Variants in RBM47 observed in about 807,000 individuals in gnomAD.
RBM47 encodes the protein RNA-binding protein 47.
In RBM47, 21 loss-of-function variants were observed where a neutral mutation model predicts 47.1. That is an observed-to-expected ratio of 0.45 (90% CI 0.32 to 0.64). RBM47 has a LOEUF of 0.64. Ranked by LOEUF, RBM47 falls within the 30% of genes least tolerant of loss-of-function variation. RBM47 has a pLI of 0.05. For missense variants in RBM47, 708 were observed against 870.9 expected, an observed-to-expected ratio of 0.81 and a Z score of 2.35; for synonymous variants, 375 against 361.7, an observed-to-expected ratio of 1.04 and a Z score of -0.42.
At chr4:40,593,284 C>T (rs1197090351) in intron 1 of RBM47, among the ~76,000 whole-genome samples, 1 of 151,010 alleles carries the variant, frequency 6.6e-6, no homozygotes, top group Non-Finnish European at 1.5e-5. Context: ...AGGCGTGAGC[C>T]GGGACATACA....
intron 2 of RBM47, among the ~76,000 whole-genome samples, chr4:40,508,082 G>A (rs1458153211): frequency 6.6e-6 from 1 of 152,138 alleles, no homozygotes; most frequent in African/African-American, 2.4e-5. Flanking sequence ...GAAAAGAAAA[G>A]TCTGCAGTAC....
chr4:40,630,749 G>T (rs1046335646), upstream of RBM47: 2 of 152,054 alleles, frequency 1.3e-5, no homozygotes, highest in Admixed American at 6.6e-5. Context: ...CCAGATGTCC[G>T]CAATCCGCGC....
At chr4:40,468,901 G>A (rs1371786821) in intron 2 of RBM47, among the ~76,000 whole-genome samples, 3 of 152,122 alleles carry the variant, frequency 2.0e-5, no homozygotes, top group East Asian at 1.9e-4. Flanking sequence ...TAAAAACTAC[G>A]AAAACGAATG....
intron 2 of RBM47, among the ~76,000 whole-genome samples, chr4:40,467,736 A>C (rs573499992): frequency 6.6e-6 from 1 of 152,344 alleles, no homozygotes; most frequent in Admixed American, 6.5e-5. Flanking sequence ...GATATTTCAG[A>C]TGAGGAATTA....
chr4:40,529,232 C>T (rs71608040), intron 2 of RBM47, among the ~76,000 whole-genome samples: 4 of 151,888 alleles, frequency 2.6e-5, no homozygotes, highest in South Asian at 2.1e-4. Context: ...TGTGGCTGGG[C>T]GAGGTGGCTC....
At chr4:40,572,801 C>A (rs1204435332) in intron 1 of RBM47, among the ~76,000 whole-genome samples, 5 of 151,502 alleles carry the variant, frequency 3.3e-5, no homozygotes, top group African/African-American at 9.7e-5. Context: ...TTCAATTTTC[C>A]TGTGAGCCTC....
chr4:40,430,045 A>C (rs1473692425), intron 6 of RBM47, among the ~76,000 whole-genome samples: 1 of 152,046 alleles, frequency 6.6e-6, no homozygotes, highest in Non-Finnish European at 1.5e-5. Context: ...AATACAAAAA[A>C]TTAGCCAGGC....
At chr4:40,451,756 C>T (rs1254989332) in intron 3 of RBM47, among the ~76,000 whole-genome samples, 1 of 152,170 alleles carries the variant, frequency 6.6e-6, no homozygotes, top group Non-Finnish European at 1.5e-5. Flanking sequence ...GATTCATTCC[C>T]TCGCTCATTC....
intron 2 of RBM47, among the ~76,000 whole-genome samples, chr4:40,516,168 T>C (rs6824770): frequency 2.0e-5 from 3 of 151,938 alleles, no homozygotes; most frequent in African/African-American, 7.2e-5. Context: ...TTCTCTTTTT[T>C]CCCTCTCTTC....
In RBM47 at chr4:40,478,009, C is replaced by CTTTTT. The variant is rs1194806938; in HGVS notation, c.-154-11315_-154-11311dup. ...TGCCACATGAGCCATGTGGCATGTTCTTTTTTTTTTTTTTTTTTTTTTTGA... is the reference window on the plus strand; with the variant it reads ...TGCCACATGAGCCATGTGGCATGTTCTTTTTTTTTTTTTTTTTTTTTTTTTTTTGA... On this transcript the variant is annotated intron_variant, in intron 2 of 6. Coordinates refer to ENST00000295971, the MANE Select transcript of RBM47 (RefSeq NM_001098634.2). 1.5e-3 allele frequency among the ~76,000 whole-genome samples: 127 copies of CTTTTT among 86,364 alleles called. 10 individuals are homozygous for CTTTTT. The highest frequency in any genetic ancestry group is 9.3e-3 in the East Asian group (25 of 2,682). The allele number at this position is 86,364 out of a possible 152,430, so 56.7% of individuals were successfully genotyped here. A position where few individuals can be genotyped will look rare whatever the true frequency, so the allele number is the denominator to read the frequency against.
At chr4:40,463,690 T>G (rs983726175) in intron 3 of RBM47, among the ~76,000 whole-genome samples, 43 of 151,546 alleles carry the variant, frequency 2.8e-4, no homozygotes, top group African/African-American at 1.0e-3. Flanking sequence ...AGAGGTGGGG[T>G]AGGTAAAGGG....
At chr4:40,519,302 T>C (rs2154255717) in intron 2 of RBM47, among the ~76,000 whole-genome samples, 1 of 150,590 alleles carries the variant, frequency 6.6e-6, no homozygotes, top group Admixed American at 6.6e-5. Context: ...TCAATCTTTT[T>C]TTTTTTTTTT....
At chr4:40,622,175 C>T (rs1737325979) in intron 1 of RBM47, among the ~76,000 whole-genome samples, 1 of 152,156 alleles carries the variant, frequency 6.6e-6, no homozygotes, top group South Asian at 2.1e-4. Flanking sequence ...CAGGGAGAGA[C>T]AGATAATAGG....
chr4:40,557,096 C>T (rs1257045459), intron 1 of RBM47, among the ~76,000 whole-genome samples: 4 of 152,104 alleles, frequency 2.6e-5, no homozygotes, highest in African/African-American at 4.8e-5. Flanking sequence ...CCCCTAAATT[C>T]ATTATTGGTG....
intron 2 of RBM47, among the ~76,000 whole-genome samples, chr4:40,467,293 CTCTT>C (rs1268041014): frequency 6.6e-5 from 10 of 151,610 alleles, no homozygotes; most frequent in African/African-American, 2.4e-4. Flanking sequence ...AGAGGTAAGA[CTCTT>C]TTTTTTTTTT....
chr4:40,572,524 T>TA (rs1166554778), intron 1 of RBM47, among the ~76,000 whole-genome samples: 2 of 151,938 alleles, frequency 1.3e-5, no homozygotes, highest in African/African-American at 2.4e-5. Context: ...TGCATAGCAT[T>TA]AAAAAATTCC....
rs979999137 is a variant in RBM47 at position 40,457,121 on chromosome 4, A to T, written c.-32+9456T>A. The stretch of plus-strand genomic sequence containing the variant: ...AATATAAAAGATAGAATTTTAAAAA[A>T]TTTTAAAATTTGTGGGGGTCGGGCG... On this transcript the variant is annotated intron_variant, in intron 3 of 6. Transcript: ENST00000295971. Among the ~76,000 whole-genome samples, 12 of 151,856 alleles carry T rather than the reference A, an allele frequency of 7.9e-5. No individual in the cohort carries two copies. In the South Asian group the frequency reaches 1.0e-3, roughly 13 times the overall value.
chr4:40,461,368 T>G (rs1176743983), intron 3 of RBM47, among the ~76,000 whole-genome samples: 1 of 152,226 alleles, frequency 6.6e-6, no homozygotes, highest in Non-Finnish European at 1.5e-5. Flanking sequence ...AAGTGTGAAA[T>G]GATTTTAATT....
intron 1 of RBM47, among the ~76,000 whole-genome samples, chr4:40,565,824 G>A (rs989036729): frequency 5.3e-5 from 8 of 152,182 alleles, no homozygotes; most frequent in African/African-American, 1.9e-4. Flanking sequence ...TGTAATTTCA[G>A]CACTTTGGGA....
Sources: gnomAD v4.1 joint callset for allele counts (sites outside exome capture counted in the v4.1 genomes callset) on GRCh38, gnomAD v4.1.1 for gene constraint, MANE v1.5 for transcripts, NCBI Gene and HGNC (gene_info 2026-07-23, HGNC 2026-07-21) for gene names.